The following KDM1B variants were observed in gnomAD, a reference collection of about 807,000 sequenced individuals.
KDM1B encodes the protein lysine demethylase 1B, also known as lysine-specific histone demethylase 2.
In KDM1B, 63 loss-of-function variants were observed where a neutral mutation model predicts 107.4. The observed-to-expected ratio is 0.59, with a 90% confidence interval of 0.48 to 0.72. The LOEUF (loss-of-function observed/expected upper bound fraction) is 0.72. KDM1B is among the 30% of genes least tolerant of loss of function. KDM1B has a pLI of 0.00. For synonymous variants in KDM1B, 363 were observed against 363.9 expected (o/e 1.00, Z 0.03); for missense variants, 749 against 1,020.8 (o/e 0.73, Z 3.63).
intron 6 of KDM1B, among the ~76,000 whole-genome samples, chr6:18,168,945 C>T (rs933636645): frequency 7.2e-5 from 11 of 152,010 alleles, no homozygotes; most frequent in East Asian, 5.8e-4. Context: ...GATCTTGGCT[C>T]GCTGCAACCT....
chr6:18,221,047 A>G (rs1209257110), intron 21 of KDM1B, among the ~76,000 whole-genome samples: 1 of 151,870 alleles, frequency 6.6e-6, no homozygotes, highest in Non-Finnish European at 1.5e-5. Context: ...TCCTTCTTCT[A>G]AAAACCTATT....
At chr6:18,157,636 G>C (rs1017131006) in intron 2 of KDM1B, among the ~76,000 whole-genome samples, 2 of 151,526 alleles carry the variant, frequency 1.3e-5, no homozygotes, top group South Asian at 4.2e-4. Flanking sequence ...TGTGGTTCAT[G>C]TTATGAATAA....
Position 18,172,224 on chromosome 6 carries a change from G to A in KDM1B, c.534+745G>A, listed in dbSNP as rs1429298793. ...TTTTGAAATTTGGCAATTACTTACT[G>A]TTTAAAAACCTATTATTATTGCTTT... On this transcript the variant is annotated intron_variant, in intron 7 of 21. Coordinates refer to ENST00000650836, the MANE Select transcript of KDM1B (RefSeq NM_001364614.2). The surrounding 1 kb of genome is among the most constrained non-coding windows in gnomAD (Gnocchi z 5.2). Among the ~76,000 whole-genome samples the A allele has an allele frequency of 6.6e-6, 1 of 152,128 alleles. No individual in the cohort carries two copies. The highest frequency in any genetic ancestry group is 1.9e-4 in the East Asian group (1 of 5,198).
At position 18,202,447 on chromosome 6, in the gene KDM1B, A is replaced by C. The variant is rs1372511027; in HGVS notation, c.1531+790A>C. Among the ~76,000 whole-genome samples, 6 of 152,306 alleles carry C rather than the reference A, an allele frequency of 3.9e-5. No homozygotes were observed. The South Asian group carries it at 1.0e-3, about 26-fold the overall frequency. ...CAAAATCTTTTGGCTTTTGTACTTA[A>C]ATGGGCAATATTAGCCACAACTATT... On this transcript the variant is annotated intron_variant, in intron 14 of 21. Coordinates refer to ENST00000650836, the MANE Select transcript of KDM1B (RefSeq NM_001364614.2).
intron 10 of KDM1B, among the ~76,000 whole-genome samples, chr6:18,193,430 C>A (rs1787429361): frequency 6.7e-6 from 1 of 148,244 alleles, no homozygotes; most frequent in Admixed American, 6.9e-5. Flanking sequence ...TCTTAGTCTT[C>A]TGAGTAGTTG....
At position 18,212,816 on chromosome 6, in the gene KDM1B, A is replaced by G. The variant is rs1788947741; in HGVS notation, c.1983+212A>G. The stretch of plus-strand genomic sequence containing the variant: ...GCTGAGGTCTGTGAGTTTTGACTTT[A>G]GGAGAAAGAATCTTGTTATTCACAA... On this transcript the variant is annotated intron_variant, in intron 18 of 21. Transcript: ENST00000650836. This position sits in a 1 kb window ranked among gnomAD's most constrained non-coding sequence, Gnocchi z 5.2. Among the ~76,000 whole-genome samples the G allele has an allele frequency of 6.6e-6, 1 of 152,240 alleles. No individual in the cohort carries two copies. The highest frequency in any genetic ancestry group is 6.5e-5 in the Admixed American group (1 of 15,278).
Position 18,179,842 on chromosome 6 carries a change from T to TTTC in KDM1B, c.535-5928_535-5927insCTT, listed in dbSNP as rs1354733576. ...CAAAATCTTTCAATTTAGCATTGGT[T>TTTC]TTTTTTCCTTTTTTTTTTTTTTTTT... On this transcript the variant is annotated intron_variant, in intron 7 of 21. Coordinates refer to ENST00000650836, the MANE Select transcript of KDM1B (RefSeq NM_001364614.2). Among the ~76,000 whole-genome samples the TTTC allele has an allele frequency of 4.3e-4, 35 of 81,608 alleles. 13 individuals are homozygous for TTTC. The highest frequency in any genetic ancestry group is 6.6e-4 in the African/African-American group (13 of 19,668). The allele number at this position is 81,608 out of a possible 152,430, so 53.5% of individuals were successfully genotyped here. A position where few individuals can be genotyped will look rare whatever the true frequency, so the allele number is the denominator to read the frequency against.
At position 18,205,534 on chromosome 6, in the gene KDM1B, C is replaced by T; in HGVS notation, c.1532-3C>T. On this transcript the variant is annotated splice_region_variant and splice_polypyrimidine_tract_variant and intron_variant, in intron 14 of 21. Coordinates refer to ENST00000650836, the MANE Select transcript of KDM1B (RefSeq NM_001364614.2). This position sits in a 1 kb window ranked among gnomAD's most constrained non-coding sequence, Gnocchi z 5.7. ...TTTCTGCTTTGATCCATTCCCATTA[C>T]AGAAAAGATAGAAGAAATCTACAAG... 1 of 1,546,802 alleles carries T rather than the reference C, an allele frequency of 6.5e-7. No individual in the cohort carries two copies. Among genetic ancestry groups the T allele is most frequent in the Non-Finnish European group, 8.7e-7 (1 of 1,144,968 alleles).
rs1788318706 is a variant in KDM1B, at chr6:18,205,737, T to TAA, written c.1659+74_1659+75dup. 7.3e-7 allele frequency: 1 copy of TAA among 1,375,736 alleles called. No homozygotes were observed. Among genetic ancestry groups the TAA allele is most frequent in the Non-Finnish European group, 9.5e-7 (1 of 1,054,916 alleles). 85.2% of individuals were successfully genotyped at this position (1,375,736 alleles called of 1,614,324 possible). A position where few individuals can be genotyped will look rare whatever the true frequency, so the allele number is the denominator to read the frequency against. On this transcript the variant is annotated intron_variant, in intron 15 of 21. Coordinates refer to ENST00000650836, the MANE Select transcript of KDM1B (RefSeq NM_001364614.2). The surrounding 1 kb of genome is among the most constrained non-coding windows in gnomAD (Gnocchi z 5.7). Reference sequence around the variant, plus strand: ...GGCCGGGCGCAGTGGCTCACGCCTGTAATCCCAGCACTTTGGGAGGCCGAG... The same window carrying TAA: ...GGCCGGGCGCAGTGGCTCACGCCTGTAAAATCCCAGCACTTTGGGAGGCCGAG...
At chr6:18,156,187 C>G (rs111599223) in intron 2 of KDM1B, among the ~76,000 whole-genome samples, 5 of 152,212 alleles carry the variant, frequency 3.3e-5, no homozygotes, top group African/African-American at 9.6e-5. Context: ...ACTTGATGAG[C>G]ATTGCCAGGT....
intron 4 of KDM1B, 131 bp downstream of exon 4, chr6:18,161,585 ACATTGC>A (rs1784975927): frequency 1.0e-6 from 1 of 980,456 alleles, no homozygotes; most frequent in Admixed American, 2.6e-5. Flanking sequence ...AATAATAGAG[ACATTGC>A]CCAGACATTC....
chr6:18,215,185 A>G (rs2151033153), intron 20 of KDM1B, 56 bp downstream of exon 20: 1 of 1,560,068 alleles, frequency 6.4e-7, no homozygotes, highest in South Asian at 1.2e-5. Flanking sequence ...TATCCAGAGC[A>G]GGTGTGAAGC....
rs1460722692 is a variant in KDM1B at position 18,186,320 on chromosome 6, A to C, written c.573+510A>C. Among the ~76,000 whole-genome samples the C allele has an allele frequency of 2.6e-5, 4 of 152,216 alleles. No homozygotes were observed. The highest frequency in any genetic ancestry group is 5.9e-5 in the Non-Finnish European group (4 of 68,040). On this transcript the variant is annotated intron_variant, in intron 8 of 21. Coordinates refer to ENST00000650836, the MANE Select transcript of KDM1B (RefSeq NM_001364614.2). This position sits in a 1 kb window ranked among gnomAD's most constrained non-coding sequence, Gnocchi z 5.6. ...AGCTGGTCACATTTCCTCTGTTTTC[A>C]TAAGACTTTGCTACCTGAGTTGACA...
At position 18,197,926 on chromosome 6, in the gene KDM1B, T is replaced by TC. The variant is rs1329199989; in HGVS notation, c.1221+265_1221+266insC. ...TAACTTGGCATTAAAGTAGAAATTC[T>TC]TTTTTTTTTTTTTTTTTGAGACAGA... is the stretch of plus-strand genomic sequence containing the variant. On this transcript the variant is annotated intron_variant, in intron 12 of 21. Coordinates refer to ENST00000650836, the MANE Select transcript of KDM1B (RefSeq NM_001364614.2). The surrounding 1 kb of genome is among the most constrained non-coding windows in gnomAD (Gnocchi z 4.5). Among the ~76,000 whole-genome samples the TC allele has an allele frequency of 1.1e-5, 1 of 90,864 alleles. No homozygotes were observed. The highest frequency in any genetic ancestry group is 2.0e-5 in the Non-Finnish European group (1 of 50,440). The allele number at this position is 90,864 out of a possible 152,430, so 59.6% of individuals were successfully genotyped here. A position where few individuals can be genotyped will look rare whatever the true frequency, so the allele number is the denominator to read the frequency against.
intron 7 of KDM1B, among the ~76,000 whole-genome samples, chr6:18,176,250 C>G (rs539955355): frequency 6.9e-4 from 105 of 152,278 alleles, no homozygotes; most frequent in African/African-American, 2.3e-3. Context: ...ATTTGACTCT[C>G]TGCTTGGTCG....
At chr6:18,185,031 G>C (rs1786761895) in intron 7 of KDM1B, among the ~76,000 whole-genome samples, 1 of 151,790 alleles carries the variant, frequency 6.6e-6, no homozygotes, top group Non-Finnish European at 1.5e-5. Context: ...AGCCTGGCCA[G>C]TTTCTAGCTT....
chr6:18,200,165 C>T lies in KDM1B; in HGVS notation c.1222-274C>T, dbSNP rs543792289. On this transcript the variant is annotated intron_variant, in intron 12 of 21. Transcript: ENST00000650836. This position sits in a 1 kb window ranked among gnomAD's most constrained non-coding sequence, Gnocchi z 4.3. ...CTGGTATTACAGGCATGAGCTATCG[C>T]ATCTGGCCTAGTTCATCAAATCTTA... 6.6e-5 allele frequency among the ~76,000 whole-genome samples: 10 copies of T among 152,342 alleles called. No homozygotes were observed. Among genetic ancestry groups the T allele is most frequent in the African/African-American group, 2.4e-4 (10 of 41,576 alleles).
Position 18,212,275 on chromosome 6 carries a change from T to C in KDM1B, c.1867-213T>C, listed in dbSNP as rs1399991166. The C allele has an allele frequency of 1.7e-6, 1 of 574,140 alleles. No individual in the cohort carries two copies. The highest frequency in any genetic ancestry group is 3.1e-6 in the Non-Finnish European group (1 of 318,172). The allele number at this position is 574,140 out of a possible 1,614,324, so 35.6% of individuals were successfully genotyped here. ...TGACTCTTCTTATCTAAGATGATTATTCACCATCAGGACGTTTTTTGCCCA... is the reference window on the plus strand; with the variant it reads ...TGACTCTTCTTATCTAAGATGATTACTCACCATCAGGACGTTTTTTGCCCA... On this transcript the variant is annotated intron_variant, in intron 17 of 21. Transcript: ENST00000650836. This position sits in a 1 kb window ranked among gnomAD's most constrained non-coding sequence, Gnocchi z 5.2.
intron 12 of KDM1B, among the ~76,000 whole-genome samples, chr6:18,198,484 C>T (rs1787801315): frequency 6.6e-6 from 1 of 151,918 alleles, no homozygotes; most frequent in African/African-American, 2.4e-5. Context: ...CTGCCTTGGC[C>T]TCCCAAAGTG....
Sources: allele counts gnomAD v4.1 joint callset (sites outside exome capture counted in the v4.1 genomes callset), GRCh38; gene constraint gnomAD v4.1.1; non-coding constraint Gnocchi (gnomAD v3.1); transcripts MANE v1.5; gene names NCBI Gene and HGNC (gene_info 2026-07-23, HGNC 2026-07-21).